Variants in HTR2A observed in about 807,000 individuals in gnomAD.
The protein encoded by HTR2A is 5-hydroxytryptamine receptor 2A.
In HTR2A, 14 loss-of-function variants were observed where a neutral mutation model predicts 31.0. The ratio of observed to expected loss-of-function variants is 0.45; its 90% confidence interval spans 0.30 to 0.71. The LOEUF is 0.71. Ranked by LOEUF, HTR2A falls within the 30% of genes least tolerant of loss-of-function variation. The pLI is 0.09. For synonymous variants in HTR2A, 209 were observed against 225.2 expected (o/e 0.93, Z 0.64); for missense variants, 442 against 573.3 (o/e 0.77, Z 2.34).
chr13:46,865,257 C>T (rs1950810195), intron 3 of HTR2A, among the ~76,000 whole-genome samples: 1 of 152,122 alleles, frequency 6.6e-6, no homozygotes, highest in African/African-American at 2.4e-5. Flanking sequence ...AATGTGATAA[C>T]AGCAAGTAGA....
rs187985746 is a variant in HTR2A, at chr13:46,859,699, C to T, written c.614-24060G>A. 6.2e-4 allele frequency among the ~76,000 whole-genome samples: 94 copies of T among 152,238 alleles called. No homozygotes were observed. In the East Asian group the frequency reaches 0.013, roughly 20 times the overall value. Reference sequence around the variant, plus strand: ...CCTTCTGCCATGATTGAAAGTTTCCCGAGGCCTCCCCAGAAGCCACCATGC... The same window carrying T: ...CCTTCTGCCATGATTGAAAGTTTCCTGAGGCCTCCCCAGAAGCCACCATGC... On this transcript the variant is annotated intron_variant, in intron 3 of 3. Coordinates refer to ENST00000542664, the MANE Select transcript of HTR2A (RefSeq NM_000621.5).
rs759732977 is a variant in HTR2A at position 46,834,997 on chromosome 13, T to C, written c.1256A>G (p.Tyr419Cys). The C allele has an allele frequency of 8.1e-6, 13 of 1,614,192 alleles. No homozygotes were observed. Among genetic ancestry groups the C allele is most frequent in the Non-Finnish European group, 6.8e-6 (8 of 1,179,990 alleles). Residue 419 changes from tyrosine (Y) to cysteine (C), a missense_variant, in exon 4 of 4, where the codon TAC becomes TGC. By Grantham distance (194) the Tyr-to-Cys change is radical. Coordinates refer to ENST00000542664, the MANE Select transcript of HTR2A (RefSeq NM_000621.5). ...TCCCATTTGAAGTTGGCTAGACTTG[T>C]AGGCCAAAGCCGGTATTGTGTTCAC... is the stretch of plus-strand genomic sequence containing the variant. ...ILVNTIPALAYKSSQLQMGQK... is the reference protein window; with the variant it reads ...ILVNTIPALACKSSQLQMGQK...
intron 3 of HTR2A, among the ~76,000 whole-genome samples, chr13:46,857,815 G>A (rs61948316): frequency 0.19 from 29,088 of 152,138 alleles, 3,024 homozygotes; most frequent in Non-Finnish European, 0.23. Flanking sequence ...CTGGGGAGGT[G>A]GGGAGAAGCC....
intron 3 of HTR2A, among the ~76,000 whole-genome samples, chr13:46,856,936 G>T (rs545486965): frequency 2.6e-5 from 4 of 152,120 alleles, no homozygotes; most frequent in Non-Finnish European, 5.9e-5. Flanking sequence ...GTGCTGGGGG[G>T]AGCCCTAGCA....
At chr13:46,859,503 G>A (rs1950764471) in intron 3 of HTR2A, among the ~76,000 whole-genome samples, 1 of 152,150 alleles carries the variant, frequency 6.6e-6, no homozygotes, top group Non-Finnish European at 1.5e-5. Flanking sequence ...CCAATGTGGA[G>A]GTGGGGCTGG....
At chr13:46,886,686 T>C (rs1489237800) in intron 3 of HTR2A, among the ~76,000 whole-genome samples, 5 of 152,090 alleles carry the variant, frequency 3.3e-5, no homozygotes, top group Non-Finnish European at 7.4e-5. Flanking sequence ...GGTACCAAGG[T>C]AGCCAGGATG....
At chr13:46,849,676 T>C (rs1431555858) in intron 3 of HTR2A, among the ~76,000 whole-genome samples, 1 of 152,178 alleles carries the variant, frequency 6.6e-6, no homozygotes, top group African/African-American at 2.4e-5. Context: ...GGCTTCTTCT[T>C]ATTTGGTGTC....
At chr13:46,885,524 T>C (rs757602493) in intron 3 of HTR2A, among the ~76,000 whole-genome samples, 2 of 152,228 alleles carry the variant, frequency 1.3e-5, no homozygotes, top group Non-Finnish European at 2.9e-5. Context: ...AAAAGTGACA[T>C]ATCTAAACAT....
At chr13:46,871,791 C>T (rs577409841) in intron 3 of HTR2A, among the ~76,000 whole-genome samples, 44 of 152,132 alleles carry the variant, frequency 2.9e-4, no homozygotes, top group African/African-American at 1.0e-3. Context: ...AGAATCTCTG[C>T]CAACAGAACA....
chr13:46,867,333 G>C (rs189382810), intron 3 of HTR2A, among the ~76,000 whole-genome samples: 1 of 152,292 alleles, frequency 6.6e-6, no homozygotes, highest in Admixed American at 6.5e-5. Context: ...GGCTGACGCT[G>C]ACTGATTTCC....
At chr13:46,855,789 G>C (rs1234851593) in intron 3 of HTR2A, among the ~76,000 whole-genome samples, 1 of 152,192 alleles carries the variant, frequency 6.6e-6, no homozygotes, top group Non-Finnish European at 1.5e-5. Flanking sequence ...CCACTAGCCA[G>C]ATCAGCTGAT....
intron 3 of HTR2A, among the ~76,000 whole-genome samples, chr13:46,887,400 G>A (rs1951015311): frequency 7.6e-6 from 1 of 132,220 alleles, no homozygotes. Flanking sequence ...TCCAGCGGGG[G>A]CGACAGAGTG....
intron 3 of HTR2A, among the ~76,000 whole-genome samples, chr13:46,868,039 T>C (rs1950832699): frequency 6.9e-6 from 1 of 145,398 alleles, no homozygotes. Context: ...GTTAAGTAGC[T>C]GGTTTCCTTA....
intron 3 of HTR2A, among the ~76,000 whole-genome samples, chr13:46,841,128 C>T (rs753109520): frequency 4.6e-5 from 7 of 152,118 alleles, no homozygotes; most frequent in Admixed American, 1.3e-4. Flanking sequence ...CTGGCATGAT[C>T]GTAAGTTTCC....
At chr13:46,896,618 T>C in intron 1 of HTR2A, 56 bp downstream of exon 1, 1 of 1,333,272 alleles carries the variant, frequency 7.5e-7, no homozygotes, top group Non-Finnish European at 1.0e-6. Context: ...CCAAGCATGA[T>C]TTCAAACCGG....
Position 46,892,590 on chromosome 13 carries a change from C to T in HTR2A, c.413G>A (p.Gly138Glu). 8.7e-6 allele frequency: 14 copies of T among 1,613,972 alleles called. No individual in the cohort carries two copies. The highest frequency in any genetic ancestry group is 1.2e-5 in the Non-Finnish European group (14 of 1,179,948). ...CTTGCTCGGCAGAGGCCACCGGTACCCTATGAGGCAGAAGGTTGGTGTCAG... is the reference window on the plus strand; with the variant it reads ...CTTGCTCGGCAGAGGCCACCGGTACTCTATGAGGCAGAAGGTTGGTGTCAG... ...MPVSMLTILY[G>E]YRWPLPSKLC... Residue 138 changes from glycine (G) to glutamate (E), a missense_variant and splice_region_variant, in exon 3 of 4, where the codon GGG becomes GAG. Physicochemically the swap from Gly to Glu is moderately conservative, Grantham distance 98 (BLOSUM62 -2). Coordinates refer to ENST00000542664, the MANE Select transcript of HTR2A (RefSeq NM_000621.5).
At chr13:46,879,276 A>G (rs1950941540) in intron 3 of HTR2A, among the ~76,000 whole-genome samples, 1 of 152,222 alleles carries the variant, frequency 6.6e-6, no homozygotes, top group African/African-American at 2.4e-5. Context: ...TGTATTCTCT[A>G]TAGTCCTGAG....
chr13:46,872,976 C>T (rs878994614), intron 3 of HTR2A, among the ~76,000 whole-genome samples: 9 of 152,108 alleles, frequency 5.9e-5, no homozygotes, highest in African/African-American at 1.4e-4. Flanking sequence ...CTGAAACCTC[C>T]GCCTCCCGGT....
At chr13:46,845,281 A>C (rs1950632369) in intron 3 of HTR2A, among the ~76,000 whole-genome samples, 1 of 152,186 alleles carries the variant, frequency 6.6e-6, no homozygotes, top group East Asian at 1.9e-4. Context: ...GGAAAGGCAC[A>C]GGAGCTGAGC....
Sources: allele counts gnomAD v4.1 joint callset (sites outside exome capture counted in the v4.1 genomes callset), GRCh38; gene constraint gnomAD v4.1.1; transcripts MANE v1.5; gene names NCBI Gene and HGNC (gene_info 2026-07-23, HGNC 2026-07-21).